TM4SF20: variants seen among roughly 807,000 people sequenced by gnomAD.
TM4SF20 encodes transmembrane 4 L six family member 20, also known as transmembrane 4 L6 family member 20.
In TM4SF20, 13 loss-of-function variants were observed where a neutral mutation model predicts 15.1. The observed-to-expected ratio is 0.86, with a 90% CI of 0.56 to 1.36. TM4SF20 has a LOEUF of 1.36. Ranked by LOEUF, TM4SF20 falls within the 40% of genes most tolerant of loss-of-function variation. The pLI, the probability that TM4SF20 is intolerant of heterozygous loss-of-function variation, is 0.00. For missense variants in TM4SF20, 282 were observed against 268.4 expected, an observed-to-expected ratio of 1.05 and a Z score of -0.35; for synonymous variants, 92 against 96.6, an observed-to-expected ratio of 0.95 and a Z score of 0.28.
chr2:227,373,927 C>CAAAAA lies in TM4SF20; in HGVS notation c.184-2952_184-2948dup, dbSNP rs373068376. On this transcript the variant is annotated intron_variant, in intron 1 of 3. Coordinates refer to ENST00000304568, the MANE Select transcript of TM4SF20 (RefSeq NM_024795.4). ...CTGGTGACAGAGCGAGACTCCGTCT[C>CAAAAA]AAAAAAAAAAAAAAAAAAATATGTG... Among the ~76,000 whole-genome samples the CAAAAA allele has an allele frequency of 4.9e-5, 5 of 103,072 alleles. 1 individual carries two copies. Among genetic ancestry groups the CAAAAA allele is most frequent in the East Asian group, 5.2e-4 (2 of 3,864 alleles). 67.6% of individuals were successfully genotyped at this position (103,072 alleles called of 152,430 possible).
At chr2:227,364,313 T>A (rs2076379476) in intron 3 of TM4SF20, among the ~76,000 whole-genome samples, 1 of 152,160 alleles carries the variant, frequency 6.6e-6, no homozygotes, top group Non-Finnish European at 1.5e-5. Flanking sequence ...TTTTCGTGGT[T>A]CAACCTATTT....
chr2:227,373,284 T>G (rs1251373056), intron 1 of TM4SF20, among the ~76,000 whole-genome samples: 1 of 150,506 alleles, frequency 6.6e-6, no homozygotes, highest in Non-Finnish European at 1.5e-5. Context: ...CACTTTGTAT[T>G]ATTATCAAGC....
chr2:227,363,925 G>T lies in TM4SF20; in HGVS notation c.489C>A (p.Asn163Lys). 6.2e-7 allele frequency: 1 copy of T among 1,614,174 alleles called. No homozygotes were observed. The highest frequency in any genetic ancestry group is 8.5e-7 in the Non-Finnish European group (1 of 1,180,036). Residue 163 changes from asparagine (N) to lysine (K), a missense_variant, in exon 4 of 4, where the codon AAC becomes AAA. Transcript: ENST00000304568. ...CTCTCCAGCCACTCGCCATGGTGTC[G>T]TTACTGGTGGGTTTATTGAAACCAG... ...PPTGFNKPTS[N>K]DTMASGWRAS...
chr2:227,380,406 T>A (rs2076474371), upstream of TM4SF20, among the ~76,000 whole-genome samples: 1 of 152,194 alleles, frequency 6.6e-6, no homozygotes, highest in Admixed American at 6.5e-5. Flanking sequence ...TGGTAGTTAC[T>A]GAAAGACCTA....
At position 227,362,527 on chromosome 2, in the gene TM4SF20, C is replaced by G. The variant is rs375365631; in HGVS notation, c.*1197G>C. The G allele has an allele frequency of 1.3e-5, 2 of 151,950 alleles. No homozygotes were observed. Among genetic ancestry groups the G allele is most frequent in the Non-Finnish European group, 2.9e-5 (2 of 68,030 alleles). 9.4% of individuals were successfully genotyped at this position (151,950 alleles called of 1,614,324 possible). A position where few individuals can be genotyped will look rare whatever the true frequency, so the allele number is the denominator to read the frequency against. ...GATCCAAAACTTTTTGAGCCAGTAA[C>G]GTAACACCACAAGTGGAAAATTCCA... On this transcript the variant is annotated 3_prime_UTR_variant, in exon 4 of 4. Transcript: ENST00000304568.
intron 1 of TM4SF20, among the ~76,000 whole-genome samples, chr2:227,372,648 AAAC>A (rs137902176): frequency 0.12 from 17,524 of 152,072 alleles, 1,119 homozygotes; most frequent in Non-Finnish European, 0.15. Flanking sequence ...TCAAAAAAAC[AAAC>A]AACAACAACA....
At chr2:227,374,564 A>G (rs2076438026) in intron 1 of TM4SF20, among the ~76,000 whole-genome samples, 1 of 152,216 alleles carries the variant, frequency 6.6e-6, no homozygotes, top group African/African-American at 2.4e-5. Flanking sequence ...TTTTTGTAAA[A>G]TTAAAAGTCT....
intron 2 of TM4SF20, among the ~76,000 whole-genome samples, chr2:227,370,257 A>G (rs1161966649): frequency 6.6e-6 from 1 of 152,176 alleles, no homozygotes; most frequent in Non-Finnish European, 1.5e-5. Context: ...AGTATTTTAT[A>G]TACGCCACAA....
intron 1 of TM4SF20, among the ~76,000 whole-genome samples, chr2:227,374,879 C>T (rs75180261): frequency 6.6e-6 from 1 of 150,680 alleles, no homozygotes; most frequent in Non-Finnish European, 1.5e-5. Context: ...TTGCTTGAAC[C>T]CAGGAGTTTG....
chr2:227,366,344 T>C, intron 2 of TM4SF20, 100 bp from the exon 3 acceptor site: 1 of 1,023,314 alleles, frequency 9.8e-7, no homozygotes, highest in Non-Finnish European at 1.4e-6. Context: ...CCAGTCGCCC[T>C]AAAATCCTGG....
Position 227,363,708 on chromosome 2 carries a change from T to C in TM4SF20, c.*16A>G. 6.3e-7 allele frequency: 1 copy of C among 1,598,048 alleles called. No homozygotes were observed. Among genetic ancestry groups the C allele is most frequent in the Non-Finnish European group, 8.5e-7 (1 of 1,172,264 alleles). On this transcript the variant is annotated 3_prime_UTR_variant, in exon 4 of 4. Coordinates refer to ENST00000304568, the MANE Select transcript of TM4SF20 (RefSeq NM_024795.4). ...TTAATTCAAACTACTGATACTTACATTTTATTCCCATTAAACTACACAATT... is the reference window on the plus strand; with the variant it reads ...TTAATTCAAACTACTGATACTTACACTTTATTCCCATTAAACTACACAATT...
upstream of TM4SF20, among the ~76,000 whole-genome samples, chr2:227,379,773 T>C (rs2076471087): frequency 6.6e-6 from 1 of 152,238 alleles, no homozygotes; most frequent in African/African-American, 2.4e-5. Context: ...AATGTTTATG[T>C]CATATTATTC....
rs201778893 is a variant in TM4SF20, at chr2:227,379,136, T to C, written c.133A>G (p.Ile45Val). 34 of 1,614,090 alleles carry C rather than the reference T, an allele frequency of 2.1e-5. No individual in the cohort carries two copies. The African/African-American group carries it at 2.8e-4, about 13-fold the overall frequency. ...VEEDQFSQNP[I>V]SCFEWWFPGI... ...GGGAACCACCACTCAAAGCAAGAGA[T>C]GGGGTTTTGAGAAAATTGGTCTTCC... The change falls in exon 1 of 4, where the codon ATC becomes GTC. Residue 45 changes from isoleucine (I) to valine (V), a missense_variant. By Grantham distance (29) the Ile-to-Val change is conservative. Transcript: ENST00000304568.
chr2:227,376,997 CT>C (rs1181758322), intron 1 of TM4SF20, among the ~76,000 whole-genome samples: 1 of 152,202 alleles, frequency 6.6e-6, no homozygotes, highest in African/African-American at 2.4e-5. Flanking sequence ...CACTTATGTC[CT>C]TCTGTCTGTC....
intron 1 of TM4SF20, among the ~76,000 whole-genome samples, chr2:227,375,906 T>C (rs2076448199): frequency 6.6e-6 from 1 of 152,222 alleles, no homozygotes. Context: ...CAACCTCATA[T>C]AAAATAAAAT....
At chr2:227,367,250 C>T (rs1404607714) in intron 2 of TM4SF20, among the ~76,000 whole-genome samples, 2 of 152,124 alleles carry the variant, frequency 1.3e-5, no homozygotes, top group Non-Finnish European at 2.9e-5. Flanking sequence ...GTAAAATAAC[C>T]CGCCGGTTGA....
At chr2:227,377,045 C>T (rs375428132) in intron 1 of TM4SF20, among the ~76,000 whole-genome samples, 3 of 152,196 alleles carry the variant, frequency 2.0e-5, no homozygotes, top group African/African-American at 7.2e-5. Flanking sequence ...CTGCCACACC[C>T]GCCACCATCC....
intron 2 of TM4SF20, among the ~76,000 whole-genome samples, chr2:227,366,533 G>T (rs929295341): frequency 6.6e-6 from 1 of 151,838 alleles, no homozygotes; most frequent in Non-Finnish European, 1.5e-5. Context: ...TTCAAGACCA[G>T]CCTGGCCAAC....
rs755631156 is a variant in TM4SF20 at position 227,364,320 on chromosome 2, ATTTAT to A, written c.402-313_402-309del. ...TCAACAGTTTTTCGTGGTTCAACCT[ATTTAT>A]TTTATTTATTCAGATACTCTTCTAC... On this transcript the variant is annotated intron_variant, in intron 3 of 3. Coordinates refer to ENST00000304568, the MANE Select transcript of TM4SF20 (RefSeq NM_024795.4). Among the ~76,000 whole-genome samples the A allele has an allele frequency of 5.9e-5, 9 of 152,040 alleles. No individual in the cohort carries two copies. The East Asian group carries it at 1.4e-3, about 23-fold the overall frequency.
Sources: gnomAD v4.1 joint callset for allele counts (sites outside exome capture counted in the v4.1 genomes callset) on GRCh38, gnomAD v4.1.1 for gene constraint, MANE v1.5 for transcripts, NCBI Gene and HGNC (gene_info 2026-07-23, HGNC 2026-07-21) for gene names.